The following DOK5 variants were observed in gnomAD, a reference collection of about 807,000 sequenced individuals.
The protein encoded by DOK5 is docking protein 5.
Under a neutral mutation model 43.3 loss-of-function variants are expected in DOK5, and 27 were observed. The observed-to-expected ratio is 0.62, with a 90% CI of 0.46 to 0.86. The LOEUF is 0.86. DOK5 is among the 40% of genes least tolerant of loss of function. DOK5 has a pLI of 0.00. For missense variants in DOK5, 373 were observed against 392.9 expected (o/e 0.95, Z 0.43); for synonymous variants, 146 against 140.1 (o/e 1.04, Z -0.30).
intron 1 of DOK5, among the ~76,000 whole-genome samples, chr20:54,511,876 T>C (rs1326348367): frequency 6.6e-6 from 1 of 152,218 alleles, no homozygotes; most frequent in African/African-American, 2.4e-5. Flanking sequence ...TTTTCCTAAC[T>C]TTTGAAGAAG....
At chr20:54,605,042 CACACGTAT>C (rs1191670708) in intron 5 of DOK5, among the ~76,000 whole-genome samples, 31 of 144,258 alleles carry the variant, frequency 2.1e-4, no homozygotes, top group African/African-American at 7.9e-4. Context: ...CACACACACA[CACACGTAT>C]ACACACACAC....
At chr20:54,580,107 A>C (rs1004379146) in intron 2 of DOK5, among the ~76,000 whole-genome samples, 8 of 152,078 alleles carry the variant, frequency 5.3e-5, no homozygotes, top group Non-Finnish European at 1.2e-4. Context: ...AAAGACATGA[A>C]CTCATCCTTT....
chr20:54,580,939 G>T (rs1724389560), intron 2 of DOK5, among the ~76,000 whole-genome samples: 1 of 151,986 alleles, frequency 6.6e-6, no homozygotes, highest in Non-Finnish European at 1.5e-5. Flanking sequence ...TCATATCCAA[G>T]AAATCACTGT....
At chr20:54,494,848 C>T (rs1392284399) in intron 1 of DOK5, 1 of 151,986 alleles carries the variant, frequency 6.6e-6, no homozygotes, top group African/African-American at 2.4e-5. Flanking sequence ...ATGCAGATCT[C>T]CTTCTTGGAA....
In DOK5 at chr20:54,605,048, T is replaced by TACACAC. The variant is rs1568806382; in HGVS notation, c.600-5339_600-5338insCACACA. On this transcript the variant is annotated intron_variant, in intron 5 of 7. Coordinates refer to ENST00000262593, the MANE Select transcript of DOK5 (RefSeq NM_018431.5). ...ATACACACACACACACACACACACG[T>TACACAC]ATACACACACACACGTTGAGGTCAA... Among the ~76,000 whole-genome samples the TACACAC allele has an allele frequency of 3.2e-3, 381 of 118,406 alleles. 3 individuals carry two copies. The highest frequency in any genetic ancestry group is 0.022 in the Middle Eastern group (5 of 228). The allele number at this position is 118,406 out of a possible 152,430, so 77.7% of individuals were successfully genotyped here. A position where few individuals can be genotyped will look rare whatever the true frequency, so the allele number is the denominator to read the frequency against.
intron 2 of DOK5, among the ~76,000 whole-genome samples, chr20:54,585,323 G>GATTTCCTAAACCA (rs1437782454): frequency 6.6e-6 from 1 of 152,158 alleles, no homozygotes; most frequent in Non-Finnish European, 1.5e-5. Flanking sequence ...TTCAGTTGCT[G>GATTTCCTAAACCA]ATTTCCTAAA....
At chr20:54,543,599 AAGAG>A (rs201990040) in intron 1 of DOK5, among the ~76,000 whole-genome samples, 1,649 of 147,596 alleles carry the variant, frequency 0.011, 36 homozygotes, top group African/African-American at 0.039. Context: ...GAGAGAAAGA[AAGAG>A]AGAGAGGAGA....
intron 1 of DOK5, among the ~76,000 whole-genome samples, chr20:54,488,429 C>G (rs1166184965): frequency 6.6e-6 from 1 of 152,244 alleles, no homozygotes; most frequent in African/African-American, 2.4e-5. Context: ...GTTGACTCCT[C>G]ACATCCTTCT....
intron 1 of DOK5, among the ~76,000 whole-genome samples, chr20:54,497,262 C>G (rs750281855): frequency 1.3e-5 from 2 of 152,182 alleles, no homozygotes; most frequent in Non-Finnish European, 2.9e-5. Flanking sequence ...CTTAATGAAT[C>G]AATGAATGAA....
At chr20:54,555,255 T>C (rs1190307673) in intron 2 of DOK5, 1 of 497,700 alleles carries the variant, frequency 2.0e-6, no homozygotes, top group South Asian at 2.1e-5. Flanking sequence ...GCTGTAGCTG[T>C]TCTTGCTGTT....
intron 2 of DOK5, among the ~76,000 whole-genome samples, chr20:54,555,931 G>A (rs1358233987): frequency 1.3e-5 from 2 of 152,178 alleles, no homozygotes; most frequent in Non-Finnish European, 2.9e-5. Flanking sequence ...CTAGGTGGGG[G>A]AAGTGAACAG....
chr20:54,550,824 C>T (rs529959065), intron 1 of DOK5, among the ~76,000 whole-genome samples: 1 of 152,214 alleles, frequency 6.6e-6, no homozygotes, highest in African/African-American at 2.4e-5. Context: ...ATGAGGCTTC[C>T]AGGTTTCGGC....
chr20:54,631,873 G>A (rs1978588087), intron 6 of DOK5, among the ~76,000 whole-genome samples: 1 of 152,188 alleles, frequency 6.6e-6, no homozygotes, highest in Admixed American at 6.5e-5. Flanking sequence ...TGGGGAGGCT[G>A]AGGCAGGAGA....
At chr20:54,561,677 C>G (rs1456225911) in intron 2 of DOK5, among the ~76,000 whole-genome samples, 1 of 152,176 alleles carries the variant, frequency 6.6e-6, no homozygotes, top group African/African-American at 2.4e-5. Flanking sequence ...ATTTTTAAGA[C>G]AGAGTTTTGC....
intron 6 of DOK5, among the ~76,000 whole-genome samples, chr20:54,631,544 G>T (rs1167959861): frequency 1.3e-5 from 2 of 152,066 alleles, no homozygotes; most frequent in Admixed American, 6.6e-5. Flanking sequence ...GTCAAAAGTG[G>T]TTTTTATTTC....
chr20:54,620,339 A>G (rs1313534276), intron 6 of DOK5, among the ~76,000 whole-genome samples: 1 of 152,138 alleles, frequency 6.6e-6, no homozygotes, highest in Non-Finnish European at 1.5e-5. Flanking sequence ...CCCGGGTTCA[A>G]GTGATTCTCC....
At chr20:54,594,266 C>T (rs1986068400) in intron 5 of DOK5, among the ~76,000 whole-genome samples, 2 of 152,118 alleles carry the variant, frequency 1.3e-5, no homozygotes, top group Admixed American at 6.5e-5. Flanking sequence ...GTGGCACACA[C>T]CTGTGGTCTC....
intron 5 of DOK5, among the ~76,000 whole-genome samples, chr20:54,597,502 GA>G (rs1280234007): frequency 1.3e-5 from 2 of 152,196 alleles, no homozygotes; most frequent in Non-Finnish European, 2.9e-5. Flanking sequence ...TCTGTACTAA[GA>G]GGCTCATTAC....
intron 2 of DOK5, among the ~76,000 whole-genome samples, chr20:54,581,980 G>GA (rs201270465): frequency 6.7e-6 from 1 of 149,952 alleles, no homozygotes. Flanking sequence ...CTGATCTTAG[G>GA]AAAAAAAAAT....
Sources: gnomAD v4.1 joint callset for allele counts (sites outside exome capture counted in the v4.1 genomes callset) on GRCh38, gnomAD v4.1.1 for gene constraint, MANE v1.5 for transcripts, NCBI Gene and HGNC (gene_info 2026-07-23, HGNC 2026-07-21) for gene names.